The following ADRA1D variants were observed in gnomAD, a reference collection of about 807,000 sequenced individuals.
The protein encoded by ADRA1D is alpha-1D adrenergic receptor.
In ADRA1D, 22 loss-of-function variants were observed where a neutral mutation model predicts 18.6. The ratio of observed to expected loss-of-function variants is 1.19; its 90% confidence interval spans 0.85 to 1.69. The LOEUF (loss-of-function observed/expected upper bound fraction) is 1.69, where lower values mean the gene tolerates loss of function less well. Ranked by LOEUF, ADRA1D falls within the 40% of genes most tolerant of loss-of-function variation. ADRA1D has a pLI of 0.00. For synonymous variants in ADRA1D, 376 were observed against 388.2 expected (o/e 0.97, Z 0.37); for missense variants, 840 against 840.7 (o/e 1.00, Z 0.01).
At position 4,221,921 on chromosome 20, in the gene ADRA1D, A is replaced by C; in HGVS notation, c.1321T>G (p.Ser441Ala). 2 of 1,529,840 alleles carry C rather than the reference A, an allele frequency of 1.3e-6. No homozygotes were observed. The highest frequency in any genetic ancestry group is 2.4e-5 in the South Asian group (2 of 83,472). The allele number at this position is 1,529,840 out of a possible 1,614,324, so 94.8% of individuals were successfully genotyped here. ...CAGTCCTGGCGCAGGCCGCTGGTGG[A>C]GGCCCGCCAGTGGTGGCCGTAGACA... ...WRVYGHHWRA[S>A]TSGLRQDCAP... The change falls in exon 2 of 2, where the codon TCC (serine) becomes GCC (alanine). Residue 441 changes from serine to alanine, a missense_variant. Ser to Ala is a moderately conservative substitution (Grantham distance 99). Transcript: ENST00000379453.
At chr20:4,232,015 C>G (rs146171152) in intron 1 of ADRA1D, among the ~76,000 whole-genome samples, 30 of 152,098 alleles carry the variant, frequency 2.0e-4, no homozygotes, top group African/African-American at 7.2e-4. Context: ...CAGGTTCAAG[C>G]AATTCTCCTG....
At chr20:4,232,989 T>G (rs1482842247) in intron 1 of ADRA1D, among the ~76,000 whole-genome samples, 1 of 152,144 alleles carries the variant, frequency 6.6e-6, no homozygotes, top group Non-Finnish European at 1.5e-5. Context: ...CTCACAGGTG[T>G]CTCCTGAAAT....
chr20:4,237,167 T>A (rs1339669454), intron 1 of ADRA1D, among the ~76,000 whole-genome samples: 1 of 150,906 alleles, frequency 6.6e-6, no homozygotes, highest in Non-Finnish European at 1.5e-5. Flanking sequence ...AGGAGGGAGA[T>A]GGGAGAGAGA....
In ADRA1D at chr20:4,248,233, T is replaced by A. The variant is rs752561707; in HGVS notation, c.725A>T (p.Asp242Val). 1 of 1,603,476 alleles carries A rather than the reference T, an allele frequency of 6.2e-7. No individual in the cohort carries two copies. The highest frequency in any genetic ancestry group is 2.2e-5 in the East Asian group (1 of 44,474). Residue 242 changes from aspartate (D) to valine (V), a missense_variant, in exon 1 of 2, where the codon GAC becomes GTC. Coordinates refer to ENST00000379453, the MANE Select transcript of ADRA1D (RefSeq NM_000678.4). ...CTCGGTGATACCGCAGAAGCGCTCG[T>A]CAGGGGGCACGGGCTCCTTCCAGCC... ...LLGWKEPVPP[D>V]ERFCGITEEA...
Position 4,221,369 on chromosome 20 carries a change from A to G in ADRA1D, c.*154T>C. 1.2e-6 allele frequency: 1 copy of G among 821,144 alleles called. No individual in the cohort carries two copies. The highest frequency in any genetic ancestry group is 2.3e-5 in the South Asian group (1 of 43,098). The allele number at this position is 821,144 out of a possible 1,614,324, so 50.9% of individuals were successfully genotyped here. A position where few individuals can be genotyped will look rare whatever the true frequency, so the allele number is the denominator to read the frequency against. On this transcript the variant is annotated 3_prime_UTR_variant, in exon 2 of 2. Transcript: ENST00000379453. ...TCACCTTTCAAGGGCTCCAGCCTCA[A>G]GCTCTGCCCAGTTCCTCAGGGATGT...
intron 1 of ADRA1D, among the ~76,000 whole-genome samples, chr20:4,227,420 A>G (rs1181403414): frequency 6.6e-6 from 1 of 152,158 alleles, no homozygotes; most frequent in African/African-American, 2.4e-5. Context: ...AAAGCACTAT[A>G]GGTAACGATC....
intron 1 of ADRA1D, among the ~76,000 whole-genome samples, chr20:4,238,597 G>A (rs1455449143): frequency 2.0e-5 from 3 of 152,182 alleles, no homozygotes; most frequent in Non-Finnish European, 4.4e-5. Flanking sequence ...GAGACCCTGA[G>A]GGCTGCCTCG....
In ADRA1D at chr20:4,239,003, A is replaced by G. The variant is rs1981156789; in HGVS notation, c.1111+8844T>C. Among the ~76,000 whole-genome samples, 1 of 151,922 alleles carries G rather than the reference A, an allele frequency of 6.6e-6. No individual in the cohort carries two copies. Among genetic ancestry groups the G allele is most frequent in the Non-Finnish European group, 1.5e-5 (1 of 67,982 alleles). On this transcript the variant is annotated intron_variant, in intron 1 of 1. Coordinates refer to ENST00000379453, the MANE Select transcript of ADRA1D (RefSeq NM_000678.4). This position sits in a 1 kb window ranked among gnomAD's most constrained non-coding sequence, Gnocchi z 4.9. ...AGGCTGGGGTTGATGAGCAGGTGTAATGGGAACCAAGCAGGGAGGACAGGA... is the reference window on the plus strand; with the variant it reads ...AGGCTGGGGTTGATGAGCAGGTGTAGTGGGAACCAAGCAGGGAGGACAGGA...
At chr20:4,244,636 C>A (rs1981292459) in intron 1 of ADRA1D, among the ~76,000 whole-genome samples, 1 of 152,192 alleles carries the variant, frequency 6.6e-6, no homozygotes, top group Non-Finnish European at 1.5e-5. Flanking sequence ...GCTCAGTGTT[C>A]CCTGTTCCTT....
intron 1 of ADRA1D, among the ~76,000 whole-genome samples, chr20:4,238,934 C>T (rs919021960): frequency 3.3e-5 from 5 of 151,882 alleles, no homozygotes; most frequent in African/African-American, 9.7e-5. Context: ...GATGTGTAAT[C>T]GACTGGGAGA....
intron 1 of ADRA1D, 26 bp downstream of exon 1, chr20:4,247,821 G>A: frequency 6.7e-7 from 1 of 1,490,050 alleles, no homozygotes; most frequent in Admixed American, 2.4e-5. Context: ...AGAACAGGAG[G>A]GGCCGGTGGG....
intron 1 of ADRA1D, among the ~76,000 whole-genome samples, chr20:4,228,691 A>C (rs73085615): frequency 0.16 from 23,875 of 152,224 alleles, 2,128 homozygotes; most frequent in East Asian, 0.3. Flanking sequence ...CAGGGAAAGC[A>C]GAGGCCACAG....
intron 1 of ADRA1D, among the ~76,000 whole-genome samples, chr20:4,223,470 G>A (rs916577759): frequency 6.6e-6 from 1 of 152,164 alleles, no homozygotes; most frequent in African/African-American, 2.4e-5. Flanking sequence ...CCTGCCAGGT[G>A]CTGTGCTGGG....
intron 1 of ADRA1D, among the ~76,000 whole-genome samples, chr20:4,226,613 T>TTCCACAC (rs1332613683): frequency 6.6e-6 from 1 of 152,194 alleles, no homozygotes; most frequent in Non-Finnish European, 1.5e-5. Flanking sequence ...GGTGTTAATT[T>TTCCACAC]TCCACACTTC....
intron 1 of ADRA1D, among the ~76,000 whole-genome samples, chr20:4,231,659 GA>G (rs1980973595): frequency 1.3e-5 from 2 of 152,166 alleles, no homozygotes; most frequent in Admixed American, 6.5e-5. Context: ...AGTTCTCGAT[GA>G]ATCCTCATGG....
chr20:4,245,431 C>T lies in ADRA1D; in HGVS notation c.1111+2416G>A, dbSNP rs549862728. On this transcript the variant is annotated intron_variant, in intron 1 of 1. Transcript: ENST00000379453. ...TGATATACTCCAGATTTATCTCTGGCGAGGCAGGGAGAGAAAGAGGAAGGG... is the reference window on the plus strand; with the variant it reads ...TGATATACTCCAGATTTATCTCTGGTGAGGCAGGGAGAGAAAGAGGAAGGG... Among the ~76,000 whole-genome samples the T allele has an allele frequency of 5.3e-5, 8 of 151,788 alleles. No individual in the cohort carries two copies. In the South Asian group the frequency reaches 1.2e-3, roughly 24 times the overall value.
In ADRA1D at chr20:4,242,755, A is replaced by G. The variant is rs138146637; in HGVS notation, c.1111+5092T>C. Among the ~76,000 whole-genome samples, 431 of 152,186 alleles carry G rather than the reference A, an allele frequency of 2.8e-3. 2 individuals are homozygous for G. Among genetic ancestry groups the G allele is most frequent in the African/African-American group, 9.9e-3 (409 of 41,490 alleles). On this transcript the variant is annotated intron_variant, in intron 1 of 1. Coordinates refer to ENST00000379453, the MANE Select transcript of ADRA1D (RefSeq NM_000678.4). ...CTGCTTTGAGTGGATGGCATTTGGAAGGTGGAGGTCAGTGATGCTCGGTGA... is the reference window on the plus strand; with the variant it reads ...CTGCTTTGAGTGGATGGCATTTGGAGGGTGGAGGTCAGTGATGCTCGGTGA...
intron 1 of ADRA1D, among the ~76,000 whole-genome samples, chr20:4,225,502 A>G (rs1479058890): frequency 1.5e-5 from 2 of 135,846 alleles, no homozygotes; most frequent in East Asian, 2.2e-4. Context: ...CTCTTGGCTC[A>G]CTACAACCTC....
intron 1 of ADRA1D, among the ~76,000 whole-genome samples, chr20:4,232,152 G>C (rs1980985784): frequency 6.6e-6 from 1 of 152,178 alleles, no homozygotes; most frequent in Non-Finnish European, 1.5e-5. Flanking sequence ...GACCTCAGGT[G>C]ATCCACCCGC....
Sources: gnomAD v4.1 joint callset for allele counts (sites outside exome capture counted in the v4.1 genomes callset) on GRCh38, gnomAD v4.1.1 for gene constraint, Gnocchi (gnomAD v3.1) non-coding constraint, MANE v1.5 for transcripts, NCBI Gene and HGNC (gene_info 2026-07-23, HGNC 2026-07-21) for gene names.